GPR158: variants seen among roughly 807,000 people sequenced by gnomAD.
GPR158 encodes the protein G protein-coupled receptor 158.
Under a neutral mutation model 78.2 loss-of-function variants are expected in GPR158, and 30 were observed. That is an observed-to-expected ratio of 0.38 (90% CI 0.29 to 0.52). GPR158 has a LOEUF of 0.52. GPR158 is among the 20% of genes least tolerant of loss of function. The probability of loss-of-function intolerance (pLI) is 0.83; values close to 1 mark genes in which losing one functional copy is unlikely to be tolerated. For synonymous variants in GPR158, 581 were observed against 591.1 expected, an observed-to-expected ratio of 0.98 and a Z score of 0.25; for missense variants, 1,463 against 1,523.5, an observed-to-expected ratio of 0.96 and a Z score of 0.66.
chr10:25,340,444 C>T (rs923490720), intron 2 of GPR158, among the ~76,000 whole-genome samples: 2 of 151,956 alleles, frequency 1.3e-5, no homozygotes, highest in African/African-American at 4.8e-5. Flanking sequence ...AGAAACATTC[C>T]AGTCAGAGGA....
chr10:25,403,482 C>A (rs924882347), intron 3 of GPR158, among the ~76,000 whole-genome samples: 1 of 151,990 alleles, frequency 6.6e-6, no homozygotes, highest in Non-Finnish European at 1.5e-5. Context: ...TAGCTTTATA[C>A]ATTTTCCATT....
Position 25,427,691 on chromosome 10 carries a change from ATCAG to A in GPR158, c.1335+15223_1335+15226del, listed in dbSNP as rs548878567. ...GTACTTGCATTCTTTAGTATTTTAT[ATCAG>A]TCAGAAAATCTTATACTTGATATGG... On this transcript the variant is annotated intron_variant, in intron 4 of 10. Coordinates refer to ENST00000376351, the MANE Select transcript of GPR158 (RefSeq NM_020752.3). Among the ~76,000 whole-genome samples, 22 of 152,206 alleles carry A rather than the reference ATCAG, an allele frequency of 1.4e-4. 1 individual carries two copies. The East Asian group carries it at 4.1e-3, about 28-fold the overall frequency.
At chr10:25,555,200 T>C (rs1836772378) in intron 6 of GPR158, among the ~76,000 whole-genome samples, 1 of 152,140 alleles carries the variant, frequency 6.6e-6, no homozygotes, top group African/African-American at 2.4e-5. Flanking sequence ...GACTTGGCGA[T>C]GTGGGCTCTT....
chr10:25,504,290 A>G (rs1835982130), intron 5 of GPR158, among the ~76,000 whole-genome samples: 1 of 152,174 alleles, frequency 6.6e-6, no homozygotes, highest in South Asian at 2.1e-4. Flanking sequence ...GAGTGAGTGA[A>G]TGGCAGAATA....
At chr10:25,448,756 G>T (rs1835174618) in intron 4 of GPR158, among the ~76,000 whole-genome samples, 1 of 152,098 alleles carries the variant, frequency 6.6e-6, no homozygotes, top group African/African-American at 2.4e-5. Context: ...TCCATTTGCT[G>T]TAAATCCTCT....
chr10:25,567,269 G>T (rs1336944272), intron 6 of GPR158, among the ~76,000 whole-genome samples: 1 of 152,126 alleles, frequency 6.6e-6, no homozygotes, highest in Non-Finnish European at 1.5e-5. Flanking sequence ...TACCTGGCAG[G>T]CTAAAGCGGT....
chr10:25,447,910 A>G (rs1338381220), intron 4 of GPR158, among the ~76,000 whole-genome samples: 1 of 152,156 alleles, frequency 6.6e-6, no homozygotes, highest in African/African-American at 2.4e-5. Context: ...GGAAGTCTCC[A>G]TTAGCCTCAG....
chr10:25,189,246 A>T (rs1033041675), intron 1 of GPR158, among the ~76,000 whole-genome samples: 1 of 152,208 alleles, frequency 6.6e-6, no homozygotes, highest in Non-Finnish European at 1.5e-5. Context: ...AGGATCTAGA[A>T]CTAGAAATGC....
At chr10:25,444,495 ATG>A (rs1252096126) in intron 4 of GPR158, among the ~76,000 whole-genome samples, 1 of 149,716 alleles carries the variant, frequency 6.7e-6, no homozygotes, top group African/African-American at 2.5e-5. Flanking sequence ...TGTGGGGGAA[ATG>A]TGGGCGCATG....
chr10:25,289,561 T>C (rs973762220), intron 2 of GPR158, among the ~76,000 whole-genome samples: 1 of 151,844 alleles, frequency 6.6e-6, no homozygotes, highest in Non-Finnish European at 1.5e-5. Context: ...GCCTCCCGAG[T>C]AGCTGGGACT....
intron 7 of GPR158, 92 bp downstream of exon 7, chr10:25,572,979 A>G (rs1039900923): frequency 1.1e-5 from 9 of 789,054 alleles, no homozygotes; most frequent in Admixed American, 1.1e-4. Context: ...CTCTTTAGTA[A>G]AGCCTAAACT....
At chr10:25,212,036 C>T (rs764419882) in intron 1 of GPR158, among the ~76,000 whole-genome samples, 21 of 152,056 alleles carry the variant, frequency 1.4e-4, no homozygotes, top group Non-Finnish European at 3.1e-4. Flanking sequence ...AAAATTCATA[C>T]AGAATTTTGG....
intron 5 of GPR158, among the ~76,000 whole-genome samples, chr10:25,494,203 T>A (rs1588886583): frequency 6.6e-6 from 1 of 152,140 alleles, no homozygotes; most frequent in East Asian, 1.9e-4. Flanking sequence ...GGGGAAAGAA[T>A]CTTTGGTATG....
intron 7 of GPR158, among the ~76,000 whole-genome samples, chr10:25,588,196 C>A (rs950625689): frequency 1.3e-5 from 2 of 152,146 alleles, no homozygotes; most frequent in Admixed American, 6.5e-5. Flanking sequence ...AGCACATAAT[C>A]ACATGAAATA....
rs368585897 is a variant in GPR158 at position 25,598,936 on chromosome 10, G to A, written c.3310G>A (p.Gly1104Arg). Residue 1104 changes from glycine (G) to arginine (R), a missense_variant, in exon 11 of 11, where the codon GGA (glycine) becomes AGA (arginine). Gly to Arg is a moderately radical substitution (Grantham distance 125). Coordinates refer to ENST00000376351, the MANE Select transcript of GPR158 (RefSeq NM_020752.3). ...VLPERAKEEN[G>R]GQPRAANVCA... ...CCCAGAGAGGGCAAAAGAGGAGAAC[G>A]GAGGTCAGCCTCGTGCAGCCAATGT... The A allele has an allele frequency of 9.9e-6, 16 of 1,613,826 alleles. No individual in the cohort carries two copies. Among genetic ancestry groups the A allele is most frequent in the African/African-American group, 4.0e-5 (3 of 74,858 alleles).
At chr10:25,494,021 C>G (rs76994852) in intron 5 of GPR158, among the ~76,000 whole-genome samples, 2 of 152,104 alleles carry the variant, frequency 1.3e-5, no homozygotes, top group African/African-American at 4.8e-5. Context: ...CATCTGATTT[C>G]TACAGTATAT....
chr10:25,397,687 C>T, intron 3 of GPR158, among the ~76,000 whole-genome samples: 1 of 152,164 alleles, frequency 6.6e-6, no homozygotes, highest in East Asian at 1.9e-4. Flanking sequence ...CCGCATATTT[C>T]AGAGTTTAGT....
chr10:25,397,192 G>T (rs1834371578), intron 3 of GPR158, among the ~76,000 whole-genome samples: 1 of 152,006 alleles, frequency 6.6e-6, no homozygotes, highest in Non-Finnish European at 1.5e-5. Context: ...GATTATACAG[G>T]GCTTCTATTC....
chr10:25,359,491 G>A lies in GPR158; in HGVS notation c.1009-36420G>A, dbSNP rs138041142. The stretch of plus-strand genomic sequence containing the variant: ...TTCTCATTGTTCAACTCCCACTTAC[G>A]AGTGAGAATATGTGGTGGTGGTTTT... On this transcript the variant is annotated intron_variant, in intron 2 of 10. Transcript: ENST00000376351. Among the ~76,000 whole-genome samples, 1,204 of 152,056 alleles carry A rather than the reference G, an allele frequency of 7.9e-3. 18 individuals carry two copies. The highest frequency in any genetic ancestry group is 0.028 in the African/African-American group (1,162 of 41,480).
Sources: allele counts gnomAD v4.1 joint callset (sites outside exome capture counted in the v4.1 genomes callset), GRCh38; gene constraint gnomAD v4.1.1; transcripts MANE v1.5; gene names NCBI Gene and HGNC (gene_info 2026-07-23, HGNC 2026-07-21).